The following CDH4 variants were observed in gnomAD, a reference collection of about 807,000 sequenced individuals.
CDH4 encodes the protein cadherin 4, also known as cadherin-4.
CDH4 carries 33 observed loss-of-function variants against 86.0 expected under a neutral mutation model. The ratio of observed to expected loss-of-function variants is 0.38; its 90% CI spans 0.29 to 0.51. The LOEUF (loss-of-function observed/expected upper bound fraction) is 0.51, where lower values mean the gene tolerates loss of function less well. CDH4 is among the 20% of genes least tolerant of loss of function. CDH4 has a pLI of 0.86. For synonymous variants in CDH4, 555 were observed against 549.4 expected (o/e 1.01, Z -0.14); for missense variants, 1,114 against 1,307.4 (o/e 0.85, Z 2.28).
Position 61,914,649 on chromosome 20 carries a change from C to T in CDH4, c.1374+4042C>T, listed in dbSNP as rs187803652. 4.0e-3 allele frequency among the ~76,000 whole-genome samples: 611 copies of T among 151,864 alleles called. 10 individuals are homozygous for T. Among genetic ancestry groups the T allele is most frequent in the African/African-American group, 0.014 (584 of 41,172 alleles). On this transcript the variant is annotated intron_variant, in intron 9 of 15. Coordinates refer to ENST00000614565, the MANE Select transcript of CDH4 (RefSeq NM_001794.5). ...GCCATGCTCAGGGGAACAAACATAG[C>T]CCCTGCCTGGTACCCCGCATCTCCC... is the stretch of plus-strand genomic sequence containing the variant.
intron 4 of CDH4, among the ~76,000 whole-genome samples, chr20:61,827,526 C>T (rs1464337635): frequency 6.6e-6 from 1 of 152,116 alleles, no homozygotes; most frequent in African/African-American, 2.4e-5. Context: ...CCTTGTAGTC[C>T]TCAATTTGGT....
chr20:61,533,072 G>T (rs1322015100), intron 2 of CDH4, among the ~76,000 whole-genome samples: 1 of 152,160 alleles, frequency 6.6e-6, no homozygotes, highest in Non-Finnish European at 1.5e-5. Flanking sequence ...CAGCTTCAAG[G>T]TGAGGACCCT....
intron 2 of CDH4, among the ~76,000 whole-genome samples, chr20:61,408,988 G>A (rs1394586694): frequency 2.6e-5 from 4 of 152,216 alleles, no homozygotes; most frequent in Non-Finnish European, 5.9e-5. Context: ...TTTCAATGTG[G>A]CGTTTAAGGT....
intron 2 of CDH4, among the ~76,000 whole-genome samples, chr20:61,315,945 C>G (rs1285572143): frequency 6.6e-6 from 1 of 152,172 alleles, no homozygotes; most frequent in Non-Finnish European, 1.5e-5. Context: ...CTCCTGAGCT[C>G]AAGTGATCTG....
intron 3 of CDH4, among the ~76,000 whole-genome samples, chr20:61,759,959 G>A (rs1203281114): frequency 6.6e-6 from 1 of 152,216 alleles, no homozygotes; most frequent in Non-Finnish European, 1.5e-5. Flanking sequence ...GTGCAGCCCG[G>A]CCAGGACCGA....
intron 7 of CDH4, among the ~76,000 whole-genome samples, chr20:61,878,762 G>A (rs367929297): frequency 6.6e-6 from 1 of 152,236 alleles, no homozygotes; most frequent in Non-Finnish European, 1.5e-5. Flanking sequence ...CACTCTGCCC[G>A]CTCAGCCATT....
chr20:61,922,275 T>C (rs919993650), intron 9 of CDH4, among the ~76,000 whole-genome samples: 4 of 152,258 alleles, frequency 2.6e-5, no homozygotes, highest in Admixed American at 2.0e-4. Context: ...AGCTTTGCCA[T>C]TGAACGTCTC....
chr20:61,349,199 A>G (rs1473808956), intron 2 of CDH4, among the ~76,000 whole-genome samples: 1 of 152,174 alleles, frequency 6.6e-6, no homozygotes, highest in Non-Finnish European at 1.5e-5. Context: ...CTGGGTCATC[A>G]GGAACAGACA....
chr20:61,605,564 CCT>C lies in CDH4; in HGVS notation c.170-137992_170-137991del, dbSNP rs113639057. Among the ~76,000 whole-genome samples the C allele has an allele frequency of 2.6e-3, 392 of 149,950 alleles. 1 individual carries two copies. The highest frequency in any genetic ancestry group is 8.7e-3 in the African/African-American group (355 of 40,732). ...TTCTGTCTCTGTCTCCCTGTTTCTC[CCT>C]CTCTCTGTCTCTGCCTCCCTGTCTC... On this transcript the variant is annotated intron_variant, in intron 2 of 15. Coordinates refer to ENST00000614565, the MANE Select transcript of CDH4 (RefSeq NM_001794.5).
chr20:61,905,019 C>T (rs1348487754), intron 8 of CDH4, among the ~76,000 whole-genome samples: 1 of 152,178 alleles, frequency 6.6e-6, no homozygotes, highest in Non-Finnish European at 1.5e-5. Context: ...GGGATTGTGC[C>T]GGAAGGCCCT....
chr20:61,872,106 G>A (rs992527752), intron 6 of CDH4, among the ~76,000 whole-genome samples: 16 of 152,190 alleles, frequency 1.1e-4, no homozygotes, highest in East Asian at 3.9e-4. Context: ...CGGGCTCCTC[G>A]CAGACCCTGC....
chr20:61,662,382 C>T (rs775996309), intron 2 of CDH4, among the ~76,000 whole-genome samples: 10 of 152,230 alleles, frequency 6.6e-5, no homozygotes, highest in Non-Finnish European at 1.5e-4. Flanking sequence ...GTTGTGCTGT[C>T]CAATTAATGA....
intron 2 of CDH4, among the ~76,000 whole-genome samples, chr20:61,397,102 G>GT (rs1189367891): frequency 6.6e-6 from 1 of 152,094 alleles, no homozygotes; most frequent in African/African-American, 2.4e-5. Flanking sequence ...GTAATACGGG[G>GT]TTTTGCCGTG....
At chr20:61,759,787 C>T (rs1404227349) in intron 3 of CDH4, among the ~76,000 whole-genome samples, 1 of 152,112 alleles carries the variant, frequency 6.6e-6, no homozygotes, top group African/African-American at 2.4e-5. Flanking sequence ...AGGCGAGACC[C>T]GAGACGCCTG....
chr20:61,904,823 G>T (rs951103162), intron 8 of CDH4, among the ~76,000 whole-genome samples: 1 of 152,244 alleles, frequency 6.6e-6, no homozygotes, highest in African/African-American at 2.4e-5. Context: ...GAGGCCCCAG[G>T]GTCTTGCTGG....
intron 2 of CDH4, among the ~76,000 whole-genome samples, chr20:61,529,675 T>C (rs1203534972): frequency 6.6e-6 from 1 of 152,190 alleles, no homozygotes; most frequent in Non-Finnish European, 1.5e-5. Flanking sequence ...CTGTCCTGTG[T>C]TCATGGTGAG....
chr20:61,280,256 A>G (rs1455589781), intron 2 of CDH4, among the ~76,000 whole-genome samples: 3 of 152,170 alleles, frequency 2.0e-5, no homozygotes, highest in African/African-American at 7.2e-5. Flanking sequence ...TTGCATGGGA[A>G]TGATGGCATA....
At chr20:61,273,788 T>C (rs1174944954) in intron 2 of CDH4, among the ~76,000 whole-genome samples, 2 of 145,308 alleles carry the variant, frequency 1.4e-5, no homozygotes, top group East Asian at 4.4e-4. Flanking sequence ...GAGTACCATG[T>C]GCAGTTTGTG....
intron 2 of CDH4, among the ~76,000 whole-genome samples, chr20:61,628,233 C>G (rs887863832): frequency 6.6e-6 from 1 of 152,166 alleles, no homozygotes; most frequent in African/African-American, 2.4e-5. Flanking sequence ...GGCCTGAAAA[C>G]ACACACAGGT....
Sources: allele counts gnomAD v4.1 joint callset (sites outside exome capture counted in the v4.1 genomes callset), GRCh38; gene constraint gnomAD v4.1.1; transcripts MANE v1.5; gene names NCBI Gene and HGNC (gene_info 2026-07-23, HGNC 2026-07-21).